SGK3: variants seen among roughly 807,000 people sequenced by gnomAD.
SGK3 encodes serine/threonine-protein kinase Sgk3.
A neutral mutation model predicts 68.5 loss-of-function variants in SGK3; 47 were observed. That is an observed-to-expected ratio of 0.69 (90% CI 0.54 to 0.87). SGK3 has a LOEUF of 0.87. Ranked by LOEUF, SGK3 falls within the 40% of genes least tolerant of loss-of-function variation. The pLI, the probability that SGK3 is intolerant of heterozygous loss-of-function variation, is 0.00. For synonymous variants in SGK3, 181 were observed against 189.1 expected (o/e 0.96, Z 0.35); for missense variants, 479 against 575.5 (o/e 0.83, Z 1.72).
chr8:66,787,724 A>C (rs1807268263), intron 1 of SGK3, among the ~76,000 whole-genome samples: 1 of 152,246 alleles, frequency 6.6e-6, no homozygotes, highest in South Asian at 2.1e-4. Context: ...GCCTGTCTGT[A>C]GTGGGCATTT....
At chr8:66,830,745 AC>A (rs1809270885) in intron 7 of SGK3, among the ~76,000 whole-genome samples, 2 of 152,212 alleles carry the variant, frequency 1.3e-5, no homozygotes, top group Non-Finnish European at 2.9e-5. Context: ...TTTATATGAA[AC>A]ACTGTAATGA....
At chr8:66,813,999 A>G (rs561652656) in intron 5 of SGK3, 71 bp downstream of exon 5, 1 of 1,324,980 alleles carries the variant, frequency 7.5e-7, no homozygotes. Context: ...ATCCTTATAT[A>G]AATTTTGTTT....
chr8:66,857,251 C>T (rs1429050359), intron 16 of SGK3, among the ~76,000 whole-genome samples: 1 of 152,126 alleles, frequency 6.6e-6, no homozygotes, highest in Admixed American at 6.5e-5. Context: ...GGGATTTTCT[C>T]ATATGGGAGG....
At chr8:66,804,259 A>G in intron 3 of SGK3, 116 bp from the exon 4 acceptor site, 1 of 865,286 alleles carries the variant, frequency 1.2e-6, no homozygotes, top group African/African-American at 1.7e-5. Context: ...TCATAAATTC[A>G]AAAGTATGTC....
At chr8:66,749,963 GTGTA>G (rs57678446) in intron 1 of SGK3, among the ~76,000 whole-genome samples, 166 of 149,614 alleles carry the variant, frequency 1.1e-3, no homozygotes, top group African/African-American at 3.9e-3. Context: ...GTGTGTGTGT[GTGTA>G]TGTGTGTAAA....
At chr8:66,777,613 C>T (rs992283762) in intron 1 of SGK3, among the ~76,000 whole-genome samples, 6 of 152,190 alleles carry the variant, frequency 3.9e-5, no homozygotes, top group African/African-American at 1.4e-4. Context: ...AAACCTGCCT[C>T]TCCTGTTGTT....
chr8:66,826,001 ATC>A (rs1388531877), intron 6 of SGK3, among the ~76,000 whole-genome samples: 1 of 151,552 alleles, frequency 6.6e-6, no homozygotes, highest in Non-Finnish European at 1.5e-5. Flanking sequence ...TTGAGATGGA[ATC>A]TCTCTGTTGC....
chr8:66,786,315 G>C (rs536332404), intron 1 of SGK3, among the ~76,000 whole-genome samples: 2 of 152,266 alleles, frequency 1.3e-5, no homozygotes, highest in African/African-American at 4.8e-5. Context: ...AGACCACCTG[G>C]GTTCAAATCC....
At chr8:66,749,210 A>G (rs144745989) in intron 1 of SGK3, among the ~76,000 whole-genome samples, 1 of 152,180 alleles carries the variant, frequency 6.6e-6, no homozygotes, top group Non-Finnish European at 1.5e-5. Flanking sequence ...GACTTGTTTC[A>G]TCTTATAGAA....
intron 1 of SGK3, among the ~76,000 whole-genome samples, chr8:66,792,446 A>G (rs909724876): frequency 6.6e-6 from 1 of 152,170 alleles, no homozygotes; most frequent in South Asian, 2.1e-4. Context: ...AACTCATTAT[A>G]CCTGAATATT....
chr8:66,832,335 AAATG>A (rs1176694479), intron 8 of SGK3, among the ~76,000 whole-genome samples: 1 of 152,208 alleles, frequency 6.6e-6, no homozygotes, highest in African/African-American at 2.4e-5. Context: ...TCTTTAGTAA[AAATG>A]GAATATGTAT....
chr8:66,797,130 A>G (rs1031678738), intron 2 of SGK3, among the ~76,000 whole-genome samples: 2 of 152,174 alleles, frequency 1.3e-5, no homozygotes, highest in Admixed American at 6.5e-5. Flanking sequence ...CTTGTAACGT[A>G]GACTTGCTCC....
In SGK3 at chr8:66,843,993, C is replaced by CA. The variant is rs11311018; in HGVS notation, c.1074+472dup. 3.9e-3 allele frequency among the ~76,000 whole-genome samples: 280 copies of CA among 71,344 alleles called. 2 individuals carry two copies. The highest frequency in any genetic ancestry group is 6.0e-3 in the Non-Finnish European group (239 of 39,748). The allele number at this position is 71,344 out of a possible 152,430, so 46.8% of individuals were successfully genotyped here. ...TGGGTGACAGAGGGAGACTCTGTCT[C>CA]AAAAAAAAAAAAAAAAAAAAAAAAA... On this transcript the variant is annotated intron_variant, in intron 14 of 16. Transcript: ENST00000521198.
At chr8:66,787,523 G>C (rs1374177426) in intron 1 of SGK3, among the ~76,000 whole-genome samples, 1 of 152,064 alleles carries the variant, frequency 6.6e-6, no homozygotes, top group Non-Finnish European at 1.5e-5. Flanking sequence ...GTTGGGGTTG[G>C]GCTGTCAGCA....
At chr8:66,853,341 G>A (rs1026257489) in intron 16 of SGK3, among the ~76,000 whole-genome samples, 1 of 152,080 alleles carries the variant, frequency 6.6e-6, no homozygotes, top group African/African-American at 2.4e-5. Context: ...GTAATGTGAG[G>A]CAAAAAAGCA....
intron 14 of SGK3, 41 bp downstream of exon 14, chr8:66,843,588 T>G: frequency 6.3e-7 from 1 of 1,575,342 alleles, no homozygotes; most frequent in Non-Finnish European, 8.7e-7. Flanking sequence ...GTATTATCAT[T>G]GATTTGATTG....
At chr8:66,801,954 G>A (rs1807962790) in intron 3 of SGK3, among the ~76,000 whole-genome samples, 2 of 152,066 alleles carry the variant, frequency 1.3e-5, no homozygotes, top group African/African-American at 2.4e-5. Context: ...AACTTGTTTG[G>A]GGTACCTCCA....
chr8:66,735,059 A>C (rs975210869), intron 1 of SGK3, among the ~76,000 whole-genome samples: 5 of 151,914 alleles, frequency 3.3e-5, no homozygotes, highest in African/African-American at 1.2e-4. Context: ...ATTATCAGTT[A>C]TTGTTAATCT....
At chr8:66,714,556 G>C (rs936410214) in intron 1 of SGK3, among the ~76,000 whole-genome samples, 4 of 152,086 alleles carry the variant, frequency 2.6e-5, no homozygotes, top group African/African-American at 9.7e-5. Context: ...AGATGATTAA[G>C]TGAGCCGATA....
Sources: allele counts gnomAD v4.1 joint callset (sites outside exome capture counted in the v4.1 genomes callset), GRCh38; gene constraint gnomAD v4.1.1; transcripts MANE v1.5; gene names NCBI Gene and HGNC (gene_info 2026-07-23, HGNC 2026-07-21).